Variants in GRIK2 observed in about 807,000 individuals in gnomAD.
The protein encoded by GRIK2 is glutamate ionotropic receptor kainate type subunit 2, also known as glutamate receptor ionotropic, kainate 2.
Under a neutral mutation model 100.3 loss-of-function variants are expected in GRIK2, and 32 were observed. The observed-to-expected ratio is 0.32, with a 90% CI of 0.24 to 0.43. The LOEUF is 0.43. Among genes scored for constraint, GRIK2 ranks in the 20% least tolerant of loss-of-function variants. The probability of loss-of-function intolerance (pLI) is 1.00; values close to 1 mark genes in which losing one functional copy is unlikely to be tolerated. For synonymous variants in GRIK2, 417 were observed against 389.4 expected, an observed-to-expected ratio of 1.07 and a Z score of -0.83; for missense variants, 843 against 1,114.9, an observed-to-expected ratio of 0.76 and a Z score of 3.47.
At chr6:102,067,739 T>C (rs1331749005) in intron 16 of GRIK2, among the ~76,000 whole-genome samples, 1 of 151,866 alleles carries the variant, frequency 6.6e-6, no homozygotes, top group Non-Finnish European at 1.5e-5. Context: ...TAACATGCTA[T>C]AATTTGTCAT....
At chr6:101,592,317 G>A (rs142202780) in intron 2 of GRIK2, among the ~76,000 whole-genome samples, 39 of 151,814 alleles carry the variant, frequency 2.6e-4, no homozygotes, top group African/African-American at 9.2e-4. Context: ...AAAAAAGCAG[G>A]ATTGGGCAAA....
intron 2 of GRIK2, among the ~76,000 whole-genome samples, chr6:101,584,952 A>C: frequency 6.6e-6 from 1 of 151,974 alleles, no homozygotes; most frequent in Admixed American, 6.6e-5. Flanking sequence ...GTGGAGATGT[A>C]ACTACATATA....
chr6:101,816,535 A>T (rs889833264), intron 9 of GRIK2, among the ~76,000 whole-genome samples: 3 of 152,056 alleles, frequency 2.0e-5, no homozygotes. Flanking sequence ...TACTAAAAAT[A>T]CAAAAATTAG....
chr6:101,785,830 G>GT (rs894599735), intron 7 of GRIK2, among the ~76,000 whole-genome samples: 9 of 151,562 alleles, frequency 5.9e-5, no homozygotes, highest in South Asian at 2.1e-4. Context: ...AATTTTAGAA[G>GT]TTTTTTTTCT....
chr6:101,433,958 G>A (rs184396683), intron 2 of GRIK2, among the ~76,000 whole-genome samples: 1 of 152,272 alleles, frequency 6.6e-6, no homozygotes, highest in Non-Finnish European at 1.5e-5. Context: ...GTTGAAGTCC[G>A]CCTGTACTAT....
intron 15 of GRIK2, among the ~76,000 whole-genome samples, chr6:102,036,222 C>CATAA (rs1295553079): frequency 8.8e-5 from 10 of 113,736 alleles, no homozygotes; most frequent in African/African-American, 3.0e-4. Context: ...ATGATGGTGC[C>CATAA]GTAAGTAAAC....
intron 10 of GRIK2, among the ~76,000 whole-genome samples, chr6:101,852,012 T>C (rs977423118): frequency 6.7e-6 from 1 of 149,782 alleles, no homozygotes; most frequent in Non-Finnish European, 1.5e-5. Flanking sequence ...TCATAATAGA[T>C]ATAATATTAC....
chr6:101,771,507 G>C (rs892167083), intron 7 of GRIK2, among the ~76,000 whole-genome samples: 7 of 150,452 alleles, frequency 4.7e-5, no homozygotes, highest in Admixed American at 2.0e-4. Context: ...TTTTTATTTT[G>C]TTTTATTTTA....
At chr6:101,575,096 T>C (rs557957717) in intron 2 of GRIK2, among the ~76,000 whole-genome samples, 1 of 151,938 alleles carries the variant, frequency 6.6e-6, no homozygotes, top group East Asian at 1.9e-4. Flanking sequence ...AATAATTTTA[T>C]TGCCTCTTAC....
rs61025471 is a variant in GRIK2 at position 101,764,966 on chromosome 6, A to G, written c.952-34682A>G. ...CTTATTACCTTCTCCAGCCTCATCCATTATCACTGCAAATCCACACCTTCA... is the reference window on the plus strand; with the variant it reads ...CTTATTACCTTCTCCAGCCTCATCCGTTATCACTGCAAATCCACACCTTCA... On this transcript the variant is annotated intron_variant, in intron 7 of 16. Coordinates refer to ENST00000369134, the MANE Select transcript of GRIK2 (RefSeq NM_021956.5). 4.6e-5 allele frequency among the ~76,000 whole-genome samples: 7 copies of G among 152,112 alleles called. No individual in the cohort carries two copies. The East Asian group carries it at 1.4e-3, about 29-fold the overall frequency.
chr6:101,418,364 G>GT (rs1776252204), intron 2 of GRIK2, among the ~76,000 whole-genome samples: 1 of 152,148 alleles, frequency 6.6e-6, no homozygotes, highest in African/African-American at 2.4e-5. Context: ...TCAGTGCAGA[G>GT]TTTAACAGCC....
intron 12 of GRIK2, among the ~76,000 whole-genome samples, chr6:101,893,916 T>G (rs1300003007): frequency 1.3e-5 from 2 of 151,614 alleles, no homozygotes; most frequent in East Asian, 1.9e-4. Flanking sequence ...AATACTTAAA[T>G]CATCTTAAAT....
intron 12 of GRIK2, among the ~76,000 whole-genome samples, chr6:101,920,578 T>C (rs1363788878): frequency 6.6e-6 from 1 of 151,836 alleles, no homozygotes; most frequent in African/African-American, 2.4e-5. Context: ...ATAGATATCC[T>C]CCATGAAGAG....
intron 2 of GRIK2, among the ~76,000 whole-genome samples, chr6:101,436,286 A>G (rs1023774754): frequency 6.6e-6 from 1 of 152,152 alleles, no homozygotes; most frequent in African/African-American, 2.4e-5. Context: ...TCAGAGGTTC[A>G]TGTATATTTT....
intron 7 of GRIK2, among the ~76,000 whole-genome samples, chr6:101,697,355 G>A (rs944067081): frequency 2.1e-5 from 3 of 143,974 alleles, no homozygotes; most frequent in Non-Finnish European, 3.1e-5. Context: ...GTGTGTGTGT[G>A]TGTGTGTGTG....
intron 15 of GRIK2, among the ~76,000 whole-genome samples, chr6:102,044,743 C>G (rs752842265): frequency 2.0e-4 from 30 of 152,090 alleles, no homozygotes; most frequent in Middle Eastern, 6.8e-3. Flanking sequence ...ATCCCCTCTT[C>G]CCTACATCTA....
chr6:101,890,486 T>C (rs1326244091), intron 12 of GRIK2: 1 of 152,228 alleles, frequency 6.6e-6, no homozygotes, highest in Non-Finnish European at 1.5e-5. Context: ...TCCAAACACT[T>C]TGGGAGCCCA....
chr6:101,624,750 G>A (rs1780351450), intron 3 of GRIK2, among the ~76,000 whole-genome samples: 1 of 150,980 alleles, frequency 6.6e-6, no homozygotes, highest in Non-Finnish European at 1.5e-5. Context: ...CTTTTTTTTT[G>A]ACACACAGTT....
chr6:101,888,908 G>T (rs997534002), intron 11 of GRIK2, among the ~76,000 whole-genome samples: 1 of 151,962 alleles, frequency 6.6e-6, no homozygotes, highest in Admixed American at 6.6e-5. Flanking sequence ...GTTCATCTTT[G>T]ACAGATGATT....
Sources: gnomAD v4.1 joint callset for allele counts (sites outside exome capture counted in the v4.1 genomes callset) on GRCh38, gnomAD v4.1.1 for gene constraint, MANE v1.5 for transcripts, NCBI Gene and HGNC (gene_info 2026-07-23, HGNC 2026-07-21) for gene names.